ELAPOR1: variants seen among roughly 807,000 people sequenced by gnomAD.
The protein encoded by ELAPOR1 is endosome/lysosome-associated apoptosis and autophagy regulator 1.
Under a neutral mutation model 119.7 loss-of-function variants are expected in ELAPOR1, and 77 were observed. That is an observed-to-expected ratio of 0.64 (90% confidence interval 0.54 to 0.78). ELAPOR1 has a LOEUF of 0.78. Ranked by LOEUF, ELAPOR1 falls within the 30% of genes least tolerant of loss-of-function variation. The pLI is 0.00. For synonymous variants in ELAPOR1, 481 were observed against 487.2 expected, an observed-to-expected ratio of 0.99 and a Z score of 0.17; for missense variants, 1,115 against 1,270.4, an observed-to-expected ratio of 0.88 and a Z score of 1.86.
At chr1:109,114,465 G>A in intron 1 of ELAPOR1, 129 bp downstream of exon 1, 1 of 1,136,624 alleles carries the variant, frequency 8.8e-7, no homozygotes, top group Non-Finnish European at 1.2e-6. Context: ...GATGAGGCGT[G>A]GGGGGAGGGA....
Position 109,114,273 on chromosome 1 carries a change from C to T in ELAPOR1, c.90C>T (p.Leu30=), listed in dbSNP as rs999029030. Reference sequence around the variant, plus strand: ...TACCCCGGCTGTGGCGGCTGCTGCTCTGGGCTGGGACCGCCTTCCAGGTGA... The same window carrying T: ...TACCCCGGCTGTGGCGGCTGCTGCTTTGGGCTGGGACCGCCTTCCAGGTGA... ...RRIPRLWRLL[L]WAGTAFQVTQ... Residue 30 remains leucine (L), a synonymous_variant, in exon 1 of 22, where the codon CTC becomes CTT. Transcript: ENST00000369939. 5 of 1,600,290 alleles carry T rather than the reference C, an allele frequency of 3.1e-6. No individual in the cohort carries two copies. Among genetic ancestry groups the T allele is most frequent in the Non-Finnish European group, 4.3e-6 (5 of 1,173,782 alleles).
At chr1:109,202,854 T>G in intron 21 of ELAPOR1, 90 bp from the exon 22 acceptor site, 1 of 1,193,346 alleles carries the variant, frequency 8.4e-7, no homozygotes, top group Admixed American at 1.7e-5. Context: ...TTCATAAGGG[T>G]TCCTTCTGTC....
chr1:109,179,042 G>A (rs372706591), intron 7 of ELAPOR1, among the ~76,000 whole-genome samples: 20 of 152,078 alleles, frequency 1.3e-4, no homozygotes, highest in African/African-American at 2.2e-4. Context: ...AGTTTCACTC[G>A]CTAAGATCTG....
intron 14 of ELAPOR1, 82 bp downstream of exon 14, chr1:109,192,956 T>C (rs946303972): frequency 4.7e-6 from 7 of 1,488,444 alleles, no homozygotes; most frequent in Non-Finnish European, 5.5e-6. Context: ...GGTAGGGTTC[T>C]TGAGAGGCTG....
chr1:109,121,187 T>C (rs1444438123), intron 1 of ELAPOR1, among the ~76,000 whole-genome samples: 1 of 152,124 alleles, frequency 6.6e-6, no homozygotes, highest in Non-Finnish European at 1.5e-5. Context: ...CTTCTTGTTG[T>C]CCAGGCTGGA....
chr1:109,158,914 CG>C (rs1225897938), intron 1 of ELAPOR1, among the ~76,000 whole-genome samples: 2 of 134,882 alleles, frequency 1.5e-5, no homozygotes, highest in African/African-American at 5.5e-5. Context: ...TTTTTTTAGA[CG>C]GAGTCTTGCT....
chr1:109,189,142 C>T lies in ELAPOR1; in HGVS notation c.1296C>T (p.Asn432=), dbSNP rs1173796236. The T allele has an allele frequency of 6.2e-7, 1 of 1,613,514 alleles. No homozygotes were observed. Among genetic ancestry groups the T allele is most frequent in the Non-Finnish European group, 8.5e-7 (1 of 1,179,714 alleles). ...AATGGTGGAACACGCTGCCCACAAA[C>T]ATGGAAACGACCGTTCTCAGTGGGA... The part of the protein sequence containing the change: ...EYKWWNTLPT[N]METTVLSGIN... Residue 432 remains asparagine, a synonymous_variant, in exon 10 of 22, where the codon AAC becomes AAT. Transcript: ENST00000369939.
At chr1:109,196,083 G>T (rs1157749755) in intron 15 of ELAPOR1, among the ~76,000 whole-genome samples, 2 of 152,024 alleles carry the variant, frequency 1.3e-5, no homozygotes, top group Non-Finnish European at 2.9e-5. Flanking sequence ...TTGAACCCAG[G>T]GGGCGGAGAT....
chr1:109,179,327 G>A (rs973929964), intron 7 of ELAPOR1, among the ~76,000 whole-genome samples: 3 of 150,170 alleles, frequency 2.0e-5, no homozygotes, highest in East Asian at 2.0e-4. Context: ...GCTTGAACCC[G>A]GGAGGCGGAG....
chr1:109,125,432 C>T (rs936084457), intron 1 of ELAPOR1, among the ~76,000 whole-genome samples: 12 of 150,310 alleles, frequency 8.0e-5, no homozygotes, highest in Admixed American at 6.7e-4. Context: ...AGTCTTGCTC[C>T]GTCGCCAGGC....
chr1:109,127,628 G>T (rs918426418), intron 1 of ELAPOR1, among the ~76,000 whole-genome samples: 1 of 151,948 alleles, frequency 6.6e-6, no homozygotes, highest in Admixed American at 6.6e-5. Context: ...GTGCCGTGGC[G>T]TGATCACTGT....
chr1:109,154,949 G>A (rs1650776877), intron 1 of ELAPOR1, among the ~76,000 whole-genome samples: 1 of 152,144 alleles, frequency 6.6e-6, no homozygotes, highest in Non-Finnish European at 1.5e-5. Flanking sequence ...CTGCTCCGGA[G>A]AAATGGGGGC....
At chr1:109,125,724 T>C (rs1343505038) in intron 1 of ELAPOR1, among the ~76,000 whole-genome samples, 1 of 152,174 alleles carries the variant, frequency 6.6e-6, no homozygotes, top group African/African-American at 2.4e-5. Flanking sequence ...GGATACACAG[T>C]TTAGCACTTC....
chr1:109,166,642 C>T lies in ELAPOR1; in HGVS notation c.467+1951C>T, dbSNP rs1439312284. Among the ~76,000 whole-genome samples the T allele has an allele frequency of 4.6e-5, 7 of 152,308 alleles. No homozygotes were observed. In the Middle Eastern group the frequency reaches 0.02, roughly 444 times the overall value. On this transcript the variant is annotated intron_variant, in intron 3 of 21. Coordinates refer to ENST00000369939, the MANE Select transcript of ELAPOR1 (RefSeq NM_020775.5). ...AAGGTTATGACCTGCTCTTTGTTAT[C>T]CGGTTTACAGCCGGCGAGATTGAAA...
intron 1 of ELAPOR1, among the ~76,000 whole-genome samples, chr1:109,149,754 G>A (rs1282381261): frequency 6.6e-6 from 1 of 152,144 alleles, no homozygotes; most frequent in East Asian, 1.9e-4. Flanking sequence ...AAATAGTAAA[G>A]GTATAAAGTG....
At chr1:109,156,532 C>G (rs772797304) in intron 1 of ELAPOR1, among the ~76,000 whole-genome samples, 2 of 150,172 alleles carry the variant, frequency 1.3e-5, no homozygotes, top group Non-Finnish European at 1.5e-5. Flanking sequence ...TTCTTTCTGT[C>G]TCTATGAATT....
intron 1 of ELAPOR1, among the ~76,000 whole-genome samples, chr1:109,121,773 CTTTTT>C (rs10714498): frequency 7.4e-6 from 1 of 134,270 alleles, no homozygotes. Context: ...CTGTGTATTA[CTTTTT>C]TTTTTTTTTT....
intron 1 of ELAPOR1, among the ~76,000 whole-genome samples, chr1:109,144,061 A>ATTTTTTTTTTTTTTTTTTTTTTTTTTT (rs71069655): frequency 1.1e-5 from 1 of 88,992 alleles, no homozygotes; most frequent in Non-Finnish European, 2.1e-5. Context: ...ATATTTATAT[A>ATTTTTTTTTTTTTTTTTTTTTTTTTTT]TTTTTTTTTT....
chr1:109,130,600 G>A (rs911674493), intron 1 of ELAPOR1, among the ~76,000 whole-genome samples: 3 of 151,870 alleles, frequency 2.0e-5, no homozygotes, highest in African/African-American at 7.3e-5. Context: ...TGGCACCTCG[G>A]CCTCCCAAAG....
Sources: allele counts gnomAD v4.1 joint callset (sites outside exome capture counted in the v4.1 genomes callset), GRCh38; gene constraint gnomAD v4.1.1; transcripts MANE v1.5; gene names NCBI Gene and HGNC (gene_info 2026-07-23, HGNC 2026-07-21).